Variants in KMT2A observed in about 807,000 individuals in gnomAD.
The protein encoded by KMT2A is histone-lysine N-methyltransferase 2A.
Under a neutral mutation model 345.3 loss-of-function variants are expected in KMT2A, and 16 were observed. The observed-to-expected ratio is 0.05, with a 90% CI of 0.03 to 0.07. The LOEUF (loss-of-function observed/expected upper bound fraction) is 0.07, where lower values mean the gene tolerates loss of function less well. Among genes scored for constraint, KMT2A ranks in the 10% least tolerant of loss-of-function variants. The probability of loss-of-function intolerance (pLI) is 1.00; values close to 1 mark genes in which losing one functional copy is unlikely to be tolerated. For missense variants in KMT2A, 3,272 were observed against 4,841.6 expected, an observed-to-expected ratio of 0.68 and a Z score of 9.62; for synonymous variants, 1,599 against 1,778.6, an observed-to-expected ratio of 0.90 and a Z score of 2.54.
At position 118,476,899 on chromosome 11, in the gene KMT2A, C is replaced by G. The variant is rs1950047964; in HGVS notation, c.3251C>G (p.Ala1084Gly). Residue 1084 changes from alanine (A) to glycine (G), a missense_variant, in exon 4 of 36, where the codon GCT (alanine) becomes GGT (glycine). Physicochemically the swap from Ala to Gly is moderately conservative, Grantham distance 60. This residue lies in a region of KMT2A where 6 missense variants were observed against 54.1 expected (regional missense o/e 0.11). Transcript: ENST00000534358. This position sits in a 1 kb window ranked among gnomAD's most constrained non-coding sequence, Gnocchi z 4.1. ...GCTGTTGCCCTTGGCCGAAAACGAG[C>G]TGTGTTTCCTGATGACATGCCCACC... ...RAAVALGRKR[A>G]VFPDDMPTLS... The G allele has an allele frequency of 6.2e-7, 1 of 1,614,074 alleles. No homozygotes were observed.
At position 118,499,288 on chromosome 11, in the gene KMT2A, T is replaced by C. The variant is rs1202163769; in HGVS notation, c.5962-15T>C. On this transcript the variant is annotated splice_polypyrimidine_tract_variant and intron_variant, in intron 22 of 35. Transcript: ENST00000534358. ...AGGGACAGCCTATTAACAGCTACCA[T>C]GGGTTTTATTTAAGGTGGTTCCTGA... is the stretch of plus-strand genomic sequence containing the variant. The C allele has an allele frequency of 5.9e-6, 9 of 1,523,878 alleles. No individual in the cohort carries two copies. In the East Asian group the frequency reaches 9.0e-5, roughly 15 times the overall value. The allele number at this position is 1,523,878 out of a possible 1,614,324, so 94.4% of individuals were successfully genotyped here.
chr11:118,491,698 CT>C lies in KMT2A; in HGVS notation c.4820-45del, dbSNP rs1950327183. 2 of 1,417,722 alleles carry C rather than the reference CT, an allele frequency of 1.4e-6. No homozygotes were observed. The highest frequency in any genetic ancestry group is 2.9e-5 in the African/African-American group (2 of 69,626). 87.8% of individuals were successfully genotyped at this position (1,417,722 alleles called of 1,614,324 possible). A position where few individuals can be genotyped will look rare whatever the true frequency, so the allele number is the denominator to read the frequency against. The stretch of plus-strand genomic sequence containing the variant: ...GAATAGTTTCCTCTTCTTCCTCTCT[CT>C]CATTCTTCAGAGGACCTCATCATGG... On this transcript the variant is annotated intron_variant, in intron 14 of 35. Transcript: ENST00000534358. The surrounding 1 kb of genome is among the most constrained non-coding windows in gnomAD (Gnocchi z 4.2).
intron 1 of KMT2A, among the ~76,000 whole-genome samples, chr11:118,453,749 T>C (rs1178301720): frequency 6.6e-6 from 1 of 152,252 alleles, no homozygotes; most frequent in Non-Finnish European, 1.5e-5. Context: ...TTATCTCACC[T>C]AACCTTCATG....
chr11:118,519,077 CAA>C (rs11443977), intron 31 of KMT2A, among the ~76,000 whole-genome samples: 1 of 66,446 alleles, frequency 1.5e-5, no homozygotes. Flanking sequence ...GACTCCATCT[CAA>C]AAAAAAAAAA....
chr11:118,464,478 T>C (rs1949804063), intron 1 of KMT2A, among the ~76,000 whole-genome samples: 2 of 147,862 alleles, frequency 1.4e-5, no homozygotes, highest in African/African-American at 5.0e-5. Context: ...GAGGTTGCAG[T>C]GAGTGAGCCA....
chr11:118,498,549 TTA>T lies in KMT2A; in HGVS notation c.5961+22_5961+23del. On this transcript the variant is annotated intron_variant, in intron 22 of 35. Coordinates refer to ENST00000534358, the MANE Select transcript of KMT2A (RefSeq NM_001197104.2). This position sits in a 1 kb window ranked among gnomAD's most constrained non-coding sequence, Gnocchi z 4.4. ...GCGAAGTGAGAGAGCTTTAGTTGCT[TTA>T]AAAAAAAAAAAAAAGACTTTTTTAG... The T allele has an allele frequency of 1.3e-6, 2 of 1,549,738 alleles. No homozygotes were observed. Among genetic ancestry groups the T allele is most frequent in the Non-Finnish European group, 1.7e-6 (2 of 1,155,096 alleles).
rs369566552 is a variant in KMT2A, at chr11:118,473,221, T to G, written c.2062T>G (p.Phe688Val). ...LFSPLHSGTR[F>V]DMHKRSPLLR... Reference sequence around the variant, plus strand: ...TTCGCCACTCCATTCTGGAACAAGGTTTGATATGCACAAAAGGAGCCCTCT... The same window carrying G: ...TTCGCCACTCCATTCTGGAACAAGGGTTGATATGCACAAAAGGAGCCCTCT... The change falls in exon 3 of 36, where the codon TTT (phenylalanine) becomes GTT (valine). Residue 688 changes from phenylalanine to valine, a missense_variant. Phe to Val is a conservative substitution (Grantham distance 50). This residue lies in a region of KMT2A where 114 missense variants were observed against 203.2 expected (regional missense o/e 0.56). Coordinates refer to ENST00000534358, the MANE Select transcript of KMT2A (RefSeq NM_001197104.2). The surrounding 1 kb of genome is among the most constrained non-coding windows in gnomAD (Gnocchi z 5.2). The G allele has an allele frequency of 1.1e-5, 17 of 1,612,738 alleles. No homozygotes were observed. In the East Asian group the frequency reaches 2.2e-4, roughly 21 times the overall value.
chr11:118,501,293 A>G, intron 25 of KMT2A, 146 bp downstream of exon 25: 2 of 703,706 alleles, frequency 2.8e-6, no homozygotes, highest in South Asian at 4.1e-5. Context: ...CCCCATCTCT[A>G]CTAAAAATAC....
chr11:118,471,053 T>C (rs1420673495), intron 2 of KMT2A, among the ~76,000 whole-genome samples: 1 of 152,240 alleles, frequency 6.6e-6, no homozygotes, highest in East Asian at 1.9e-4. Context: ...TTAGTTCACA[T>C]GCCACTGAGT....
rs1951087114 is a variant in KMT2A at position 118,526,582 on chromosome 11, AAG to A, written c.*4414_*4415del. 4.3e-6 allele frequency: 1 copy of A among 231,270 alleles called. No individual in the cohort carries two copies. Among genetic ancestry groups the A allele is most frequent in the Non-Finnish European group, 8.6e-6 (1 of 116,888 alleles). 14.3% of individuals were successfully genotyped at this position (231,270 alleles called of 1,614,324 possible). A position where few individuals can be genotyped will look rare whatever the true frequency, so the allele number is the denominator to read the frequency against. The stretch of plus-strand genomic sequence containing the variant: ...TCTTCCAAGCTTCTGGTTAGAGAAA[AAG>A]AGAAAAAAAAAAAAGGAAAATGTGT... On this transcript the variant is annotated 3_prime_UTR_variant, in exon 36 of 36. Transcript: ENST00000534358.
chr11:118,457,921 T>G (rs1487432363), intron 1 of KMT2A, among the ~76,000 whole-genome samples: 1 of 152,146 alleles, frequency 6.6e-6, no homozygotes, highest in Non-Finnish European at 1.5e-5. Context: ...AGCAGGTCCT[T>G]AAAGACAGAA....
At position 118,491,064 on chromosome 11, in the gene KMT2A, A is replaced by G. The variant is rs1038614820; in HGVS notation, c.4697-132A>G. On this transcript the variant is annotated intron_variant, in intron 13 of 35. Transcript: ENST00000534358. This position sits in a 1 kb window ranked among gnomAD's most constrained non-coding sequence, Gnocchi z 4.2. ...GACTGCAGATGTGTGAACATTCCACAGTAGATCCATGCTGGTGTTCATGAT... is the reference window on the plus strand; with the variant it reads ...GACTGCAGATGTGTGAACATTCCACGGTAGATCCATGCTGGTGTTCATGAT... The G allele has an allele frequency of 2.2e-4, 188 of 839,648 alleles. 2 individuals carry two copies. Among genetic ancestry groups the G allele is most frequent in the Non-Finnish European group, 6.0e-5 (33 of 552,728 alleles). 52.0% of individuals were successfully genotyped at this position (839,648 alleles called of 1,614,324 possible).
rs1949196944 is a variant in KMT2A at position 118,436,954 on chromosome 11, C to A, written c.432+10C>A. ...AGGCGGCAGCGGAGAGGTAAGGGGG[C>A]GAGGAACCCCCAGGTCCGGGGTCTC... On this transcript the variant is annotated intron_variant, in intron 1 of 35. Coordinates refer to ENST00000534358, the MANE Select transcript of KMT2A (RefSeq NM_001197104.2). This position sits in a 1 kb window ranked among gnomAD's most constrained non-coding sequence, Gnocchi z 6.9. 4 of 1,469,986 alleles carry A rather than the reference C, an allele frequency of 2.7e-6. No individual in the cohort carries two copies. The highest frequency in any genetic ancestry group is 3.6e-6 in the Non-Finnish European group (4 of 1,102,818). 91.1% of individuals were successfully genotyped at this position (1,469,986 alleles called of 1,614,324 possible).
chr11:118,440,727 G>A (rs1456314098), intron 1 of KMT2A, among the ~76,000 whole-genome samples: 1 of 151,282 alleles, frequency 6.6e-6, no homozygotes, highest in Non-Finnish European at 1.5e-5. Flanking sequence ...ACAGGCTTTT[G>A]GATTGGACTT....
chr11:118,448,234 G>C (rs1949461824), intron 1 of KMT2A: 1 of 152,182 alleles, frequency 6.6e-6, no homozygotes, highest in African/African-American at 2.4e-5. Flanking sequence ...AAACAAATAA[G>C]TATTTGTAGC....
chr11:118,445,773 C>T (rs1949405506), intron 1 of KMT2A, among the ~76,000 whole-genome samples: 1 of 152,122 alleles, frequency 6.6e-6, no homozygotes, highest in Admixed American at 6.6e-5. Context: ...GAGGCCAAGG[C>T]GGGAAGATTG....
chr11:118,514,223 A>G (rs1555050926), intron 31 of KMT2A, among the ~76,000 whole-genome samples: 1 of 152,150 alleles, frequency 6.6e-6, no homozygotes, highest in East Asian at 1.9e-4. Flanking sequence ...GACCACTTGT[A>G]AAATGCCTGG....
rs542752721 is a variant in KMT2A, at chr11:118,472,500, G to A, written c.1341G>A (p.Pro447=). 7.7e-5 allele frequency: 124 copies of A among 1,613,422 alleles called. No homozygotes were observed. The highest frequency in any genetic ancestry group is 1.7e-4 in the Middle Eastern group (1 of 6,060). The change falls in exon 3 of 36, where the codon CCG becomes CCA. Residue 447 remains proline, a synonymous_variant. Transcript: ENST00000534358. The part of the protein sequence containing the change: ...PIKIARLEST[P]NSRFSAPSCG... ...AAATTGCCCGATTAGAGTCTACACC[G>A]AATAGTAGATTCAGTGCCCCGTCCT...
Position 118,505,356 on chromosome 11 carries a change from G to C in KMT2A, c.9464G>C (p.Gly3155Ala), listed in dbSNP as rs1555047697. ...SQSLFPSASK[G>A]LLPMSHHQHL... ...TCTTTGTTCCCTTCTGCTAGCAAAG[G>C]ATTGCTACCCATGTCTCATCACCAG... is the stretch of plus-strand genomic sequence containing the variant. The change falls in exon 27 of 36, where the codon GGA becomes GCA. Residue 3155 changes from glycine to alanine, a missense_variant. Around this residue, in one of 27 missense-constraint regions of KMT2A, gnomAD observed 748 missense variants for 922.2 expected, o/e 0.81. Transcript: ENST00000534358. The surrounding 1 kb of genome is among the most constrained non-coding windows in gnomAD (Gnocchi z 4.6). 6.2e-7 allele frequency: 1 copy of C among 1,614,084 alleles called. No individual in the cohort carries two copies. The highest frequency in any genetic ancestry group is 1.1e-5 in the South Asian group (1 of 91,072).
Sources: gnomAD v4.1 joint callset for allele counts (sites outside exome capture counted in the v4.1 genomes callset) on GRCh38, gnomAD v4.1.1 for gene constraint, gnomAD v4.1.1 regional missense constraint, Gnocchi (gnomAD v3.1) non-coding constraint, MANE v1.5 for transcripts, NCBI Gene and HGNC (gene_info 2026-07-23, HGNC 2026-07-21) for gene names.